The following OR3A2 variants were observed in gnomAD, a reference collection of about 807,000 sequenced individuals.
The protein encoded by OR3A2 is olfactory receptor family 3 subfamily A member 2.
For missense variants in OR3A2, 318 were observed against 392.8 expected, an observed-to-expected ratio of 0.81 and a Z score of 1.61; for synonymous variants, 126 against 159.3, an observed-to-expected ratio of 0.79 and a Z score of 1.57.
intron 2 of OR3A2, among the ~76,000 whole-genome samples, chr17:3,375,829 G>A (rs996979177): frequency 3.9e-5 from 6 of 152,154 alleles, no homozygotes; most frequent in Admixed American, 3.9e-4. Context: ...CCTAGAGATG[G>A]AACTTCCTGA....
chr17:3,301,206 C>T (rs1171071344), intron 3 of OR3A2, among the ~76,000 whole-genome samples: 1 of 152,138 alleles, frequency 6.6e-6, no homozygotes, highest in Non-Finnish European at 1.5e-5. Flanking sequence ...GGTATATACC[C>T]AGTAATGGGA....
chr17:3,365,911 A>G (rs912367588), intron 2 of OR3A2, among the ~76,000 whole-genome samples: 1 of 152,224 alleles, frequency 6.6e-6, no homozygotes, highest in Admixed American at 6.5e-5. Context: ...GGGAAGACTG[A>G]AGAGCCAGCT....
chr17:3,277,857 C>T (rs970372673), exon 2 of OR3A2: 1 of 1,139,956 alleles, frequency 8.8e-7, no homozygotes, highest in African/African-American at 1.5e-5. Context: ...CACCGATCTT[C>T]AAGCATCAGG....
At chr17:3,299,246 A>T (rs1011625212) in intron 3 of OR3A2, among the ~76,000 whole-genome samples, 2 of 152,168 alleles carry the variant, frequency 1.3e-5, no homozygotes, top group Non-Finnish European at 2.9e-5. Context: ...GAGCAGAGAG[A>T]GCTGACTCTC....
upstream of OR3A2, among the ~76,000 whole-genome samples, chr17:3,285,080 A>C (rs371790644): frequency 2.0e-5 from 3 of 152,008 alleles, no homozygotes; most frequent in Non-Finnish European, 4.4e-5. Flanking sequence ...GATGAGCCCT[A>C]TGATGCTAGC....
At chr17:3,287,848 G>A (rs2048827839), upstream of OR3A2, among the ~76,000 whole-genome samples, 1 of 151,446 alleles carries the variant, frequency 6.6e-6, no homozygotes, top group African/African-American at 2.4e-5. Context: ...TCAATATACT[G>A]TATATGTAAT....
chr17:3,375,587 C>T (rs192977032), intron 2 of OR3A2, among the ~76,000 whole-genome samples: 1 of 152,224 alleles, frequency 6.6e-6, no homozygotes, highest in Admixed American at 6.5e-5. Context: ...CAGGCATGAG[C>T]CACCGTGCCT....
chr17:3,316,338 T>A (rs2625464), intron 3 of OR3A2, among the ~76,000 whole-genome samples: 61,543 of 151,990 alleles, frequency 0.4, 12,817 homozygotes, highest in Admixed American at 0.52. Context: ...GTTGAGTACA[T>A]CCACGATCCA....
chr17:3,312,703 C>T (rs1391230209), intron 3 of OR3A2, among the ~76,000 whole-genome samples: 1 of 152,334 alleles, frequency 6.6e-6, no homozygotes, highest in African/African-American at 2.4e-5. Flanking sequence ...TGGCTCACTG[C>T]AGCCTCTGCC....
chr17:3,363,891 G>C lies in OR3A2; in HGVS notation c.-179+19913C>G, dbSNP rs2049540697. Among the ~76,000 whole-genome samples, 5 of 152,124 alleles carry C rather than the reference G, an allele frequency of 3.3e-5. No homozygotes were observed. The South Asian group carries it at 1.0e-3, about 32-fold the overall frequency. ...AGAAAGAGAGAGAAAGAGTGAAGGA[G>C]GAAGTGCTACACATTTTTAAACCAT... On this transcript the variant is annotated intron_variant, in intron 2 of 4. Coordinates refer to the OR3A2 transcript ENST00000573491.
intron 3 of OR3A2, among the ~76,000 whole-genome samples, chr17:3,319,461 G>A (rs2049102128): frequency 6.6e-6 from 1 of 151,870 alleles, no homozygotes; most frequent in Non-Finnish European, 1.5e-5. Context: ...GCGCCATGTT[G>A]GTGTGCTGCA....
intron 3 of OR3A2, chr17:3,310,243 C>T: frequency 2.1e-6 from 1 of 475,774 alleles, no homozygotes; most frequent in Non-Finnish European, 4.3e-6. Flanking sequence ...TTATCAACAC[C>T]TCATCCTGCT....
upstream of OR3A2, among the ~76,000 whole-genome samples, chr17:3,289,104 T>A (rs1018056448): frequency 6.7e-6 from 1 of 150,038 alleles, no homozygotes; most frequent in African/African-American, 2.5e-5. Context: ...TGTTTGTGTG[T>A]GTGAGTGTGT....
intron 2 of OR3A2, among the ~76,000 whole-genome samples, chr17:3,363,676 C>T (rs77923542): frequency 0.08 from 11,823 of 148,236 alleles, 1,064 homozygotes; most frequent in East Asian, 0.48. Flanking sequence ...TTCCCTGGTA[C>T]CAATTTTCTC....
At chr17:3,292,109 G>A (rs752671269) in intron 3 of OR3A2, 28 of 1,614,068 alleles carry the variant, frequency 1.7e-5, no homozygotes, top group Admixed American at 1.0e-4. Context: ...GGGTCAGTGC[G>A]TTGGTGAAAG....
intron 3 of OR3A2, among the ~76,000 whole-genome samples, chr17:3,296,754 C>T (rs1246097780): frequency 6.6e-6 from 1 of 152,036 alleles, no homozygotes; most frequent in Non-Finnish European, 1.5e-5. Flanking sequence ...TTGAAACAAG[C>T]TAATTACTAT....
At chr17:3,375,153 T>C (rs2049669375) in intron 2 of OR3A2, among the ~76,000 whole-genome samples, 1 of 124,412 alleles carries the variant, frequency 8.0e-6, no homozygotes, top group Non-Finnish European at 1.7e-5. Flanking sequence ...TTTTTTTTTT[T>C]TTTTTTTTTT....
At chr17:3,367,942 G>A (rs568620703) in intron 2 of OR3A2, among the ~76,000 whole-genome samples, 1 of 152,212 alleles carries the variant, frequency 6.6e-6, no homozygotes, top group African/African-American at 2.4e-5. Flanking sequence ...TCTAGCAGGA[G>A]TAAGCTGGTA....
chr17:3,300,554 G>T (rs1276234828), intron 3 of OR3A2, among the ~76,000 whole-genome samples: 3 of 151,866 alleles, frequency 2.0e-5, no homozygotes, highest in Non-Finnish European at 4.4e-5. Flanking sequence ...GTGAGAATCG[G>T]TCTCAAAATA....
Sources: allele counts gnomAD v4.1 joint callset (sites outside exome capture counted in the v4.1 genomes callset), GRCh38; gene constraint gnomAD v4.1.1; transcripts MANE v1.5; gene names NCBI Gene and HGNC (gene_info 2026-07-23, HGNC 2026-07-21).